GCH1: variants seen among roughly 807,000 people sequenced by gnomAD.
GCH1 encodes GTP cyclohydrolase 1, also known as GTP cyclohydrolase I.
In GCH1, 5 loss-of-function variants were observed where a neutral mutation model predicts 25.9. The observed-to-expected ratio is 0.19, with a 90% CI of 0.10 to 0.41. The LOEUF is 0.41. Ranked by LOEUF, GCH1 falls within the 10% of genes least tolerant of loss-of-function variation. The pLI is 1.00. For missense variants in GCH1, 261 were observed against 336.5 expected (o/e 0.78, Z 1.75); for synonymous variants, 159 against 129.6 (o/e 1.23, Z -1.54).
intron 1 of GCH1, among the ~76,000 whole-genome samples, chr14:54,877,027 T>TA (rs2040172147): frequency 2.0e-5 from 3 of 152,378 alleles, no homozygotes; most frequent in Admixed American, 1.3e-4. Flanking sequence ...GGAACACTGA[T>TA]ATGTTGCCTA....
intron 1 of GCH1, among the ~76,000 whole-genome samples, chr14:54,881,504 T>C (rs2040272202): frequency 6.6e-6 from 1 of 152,220 alleles, no homozygotes. Flanking sequence ...GTACACCTCT[T>C]GTTAGAGCTT....
chr14:54,900,164 C>T (rs1270862920), intron 1 of GCH1, among the ~76,000 whole-genome samples: 1 of 147,178 alleles, frequency 6.8e-6, no homozygotes, highest in East Asian at 2.1e-4. Flanking sequence ...CGCGCCCGGC[C>T]CATGGACTTT....
intron 3 of GCH1, among the ~76,000 whole-genome samples, chr14:54,848,628 G>A (rs541348704): frequency 4.6e-5 from 7 of 151,822 alleles, no homozygotes; most frequent in East Asian, 1.9e-4. Context: ...CCAACTACAC[G>A]TCTCAGAACC....
intron 1 of GCH1, among the ~76,000 whole-genome samples, chr14:54,895,836 C>T (rs1436527474): frequency 1.3e-5 from 2 of 152,160 alleles, no homozygotes; most frequent in Non-Finnish European, 2.9e-5. Flanking sequence ...CCTCCTAGCC[C>T]ATGAGCTACA....
rs2040591701 is a variant in GCH1, at chr14:54,902,808, C to G, written c.-145G>C. The G allele has an allele frequency of 6.4e-6, 7 of 1,094,670 alleles. No individual in the cohort carries two copies. The highest frequency in any genetic ancestry group is 3.4e-5 in the South Asian group (1 of 29,184). 67.8% of individuals were successfully genotyped at this position (1,094,670 alleles called of 1,614,324 possible). The stretch of plus-strand genomic sequence containing the variant: ...CAACCTGCTTAGATCACACTCCGAG[C>G]CGGGAGCGGCCACAGGCTGGAAAGC... On this transcript the variant is annotated 5_prime_UTR_variant, in exon 1 of 6. Coordinates refer to ENST00000491895, the MANE Select transcript of GCH1 (RefSeq NM_000161.3).
In GCH1 at chr14:54,870,920, G is replaced by C. The variant is rs531035949; in HGVS notation, c.344-5484C>G. On this transcript the variant is annotated intron_variant, in intron 1 of 5. Transcript: ENST00000491895. The stretch of plus-strand genomic sequence containing the variant: ...CTGCCTCCGTAGACTCCACCTCTGG[G>C]GGCACGGCATAGCCGAACAAAAGGC... 3.3e-5 allele frequency among the ~76,000 whole-genome samples: 5 copies of C among 152,336 alleles called. No homozygotes were observed. The East Asian group carries it at 9.6e-4, about 29-fold the overall frequency.
intron 1 of GCH1, among the ~76,000 whole-genome samples, chr14:54,872,823 C>G (rs574007490): frequency 2.6e-5 from 4 of 152,134 alleles, no homozygotes; most frequent in Admixed American, 6.5e-5. Flanking sequence ...TATATATGCA[C>G]CCAATACAGG....
At chr14:54,882,159 G>T (rs1031197674) in intron 1 of GCH1, among the ~76,000 whole-genome samples, 4 of 152,216 alleles carry the variant, frequency 2.6e-5, no homozygotes, top group African/African-American at 9.7e-5. Flanking sequence ...CACGCACAGT[G>T]GTTCAAGATG....
intron 1 of GCH1, among the ~76,000 whole-genome samples, chr14:54,879,528 A>T (rs2040213206): frequency 1.3e-5 from 2 of 152,134 alleles, no homozygotes; most frequent in Admixed American, 1.3e-4. Flanking sequence ...GTAAACTCAC[A>T]ATAAAATATG....
rs575422256 is a variant in GCH1, at chr14:54,871,576, T to C, written c.344-6140A>G. 3.3e-5 allele frequency among the ~76,000 whole-genome samples: 5 copies of C among 152,220 alleles called. No individual in the cohort carries two copies. The South Asian group carries it at 1.0e-3, about 32-fold the overall frequency. ...AGCTAAAGGAGGAATTTCGAACCCA[T>C]GGCAAAGAAGTTAAAAACCTTTAAA... On this transcript the variant is annotated intron_variant, in intron 1 of 5. Transcript: ENST00000491895.
chr14:54,889,886 G>A (rs1407098269), intron 1 of GCH1, among the ~76,000 whole-genome samples: 1 of 152,026 alleles, frequency 6.6e-6, no homozygotes, highest in Non-Finnish European at 1.5e-5. Context: ...AAATGCGATG[G>A]AAGATAAGAA....
intron 2 of GCH1, among the ~76,000 whole-genome samples, chr14:54,862,509 A>C (rs953746876): frequency 1.8e-4 from 27 of 146,368 alleles, no homozygotes; most frequent in African/African-American, 6.7e-4. Flanking sequence ...CACCCTCCCG[A>C]GTAGCTGAGA....
intron 1 of GCH1, among the ~76,000 whole-genome samples, chr14:54,899,381 C>T (rs1350818500): frequency 1.3e-5 from 2 of 152,124 alleles, no homozygotes; most frequent in African/African-American, 2.4e-5. Flanking sequence ...TCACTTGAGT[C>T]CAGCAGAGTG....
chr14:54,857,852 G>T (rs2039835410), intron 3 of GCH1, among the ~76,000 whole-genome samples: 1 of 152,162 alleles, frequency 6.6e-6, no homozygotes, highest in South Asian at 2.1e-4. Flanking sequence ...CTGCCACCAG[G>T]GATGGATCAC....
rs1445102075 is a variant in GCH1, at chr14:54,843,672, C to T, written c.*345G>A. The T allele has an allele frequency of 4.4e-6, 7 of 1,589,558 alleles. No individual in the cohort carries two copies. The highest frequency in any genetic ancestry group is 4.5e-5 in the East Asian group (2 of 44,450). On this transcript the variant is annotated 3_prime_UTR_variant, in exon 6 of 6. Coordinates refer to ENST00000491895, the MANE Select transcript of GCH1 (RefSeq NM_000161.3). Reference sequence around the variant, plus strand: ...GCACAGTTCCCTCTCATTCCCAATGCTCCTATGCTTATGAGGCAAATTACT... The same window carrying T: ...GCACAGTTCCCTCTCATTCCCAATGTTCCTATGCTTATGAGGCAAATTACT...
Position 54,891,945 on chromosome 14 carries a change from A to G in GCH1, c.343+10376T>C, listed in dbSNP as rs116745694. Among the ~76,000 whole-genome samples, 284 of 152,338 alleles carry G rather than the reference A, an allele frequency of 1.9e-3. 1 individual carries two copies. Among genetic ancestry groups the G allele is most frequent in the African/African-American group, 6.6e-3 (274 of 41,576 alleles). On this transcript the variant is annotated intron_variant, in intron 1 of 5. Coordinates refer to ENST00000491895, the MANE Select transcript of GCH1 (RefSeq NM_000161.3). ...ATGGCCCTAAACCACAAGAGTAGTG[A>G]CGTTGGCAATTCAGTTATGCCAAAG...
chr14:54,886,414 C>T (rs894553518), intron 1 of GCH1, among the ~76,000 whole-genome samples: 3 of 151,822 alleles, frequency 2.0e-5, no homozygotes, highest in Non-Finnish European at 2.9e-5. Flanking sequence ...AGATTGAGAC[C>T]ATCCTGGCTA....
chr14:54,901,013 G>C (rs142216559), intron 1 of GCH1, among the ~76,000 whole-genome samples: 2 of 152,074 alleles, frequency 1.3e-5, no homozygotes, highest in Admixed American at 1.3e-4. Flanking sequence ...GTAAAAAAAA[G>C]TGAATTTGGA....
chr14:54,896,950 C>G (rs1469836333), intron 1 of GCH1, among the ~76,000 whole-genome samples: 16 of 144,894 alleles, frequency 1.1e-4, no homozygotes, highest in African/African-American at 2.5e-4. Flanking sequence ...AGAAGTTTCT[C>G]AAAACACTTG....
Sources: allele counts gnomAD v4.1 joint callset (sites outside exome capture counted in the v4.1 genomes callset), GRCh38; gene constraint gnomAD v4.1.1; transcripts MANE v1.5; gene names NCBI Gene and HGNC (gene_info 2026-07-23, HGNC 2026-07-21).